TIMM29: variants seen among roughly 807,000 people sequenced by gnomAD.
The protein encoded by TIMM29 is mitochondrial import inner membrane translocase subunit Tim29.
Under a neutral mutation model 19.5 loss-of-function variants are expected in TIMM29, and 23 were observed. That is an observed-to-expected ratio of 1.18 (90% CI 0.85 to 1.67). The LOEUF (loss-of-function observed/expected upper bound fraction) is 1.67. TIMM29 is among the 40% of genes most tolerant of loss of function. The pLI, the probability that TIMM29 is intolerant of heterozygous loss-of-function variation, is 0.00. For missense variants in TIMM29, 404 were observed against 384.7 expected (o/e 1.05, Z -0.42); for synonymous variants, 209 against 185.0 (o/e 1.13, Z -1.05).
At position 10,929,557 on chromosome 19, in the gene TIMM29, T is replaced by C. The variant is rs752257479; in HGVS notation, c.638T>C (p.Phe213Ser). The change falls in exon 2 of 2, where the codon TTC becomes TCC. Residue 213 changes from phenylalanine (F) to serine (S), a missense_variant. Physicochemically the swap from Phe to Ser is radical, Grantham distance 155. Transcript: ENST00000270502. ...CATTCCGAGACCAACGAGCGGCTCTTCGATGAGAAGTACAAGCCTGTCGTG... is the reference window on the plus strand; with the variant it reads ...CATTCCGAGACCAACGAGCGGCTCTCCGATGAGAAGTACAAGCCTGTCGTG... Reference protein sequence around the residue: ...QLHSETNERLFDEKYKPVVLT... With the variant: ...QLHSETNERLSDEKYKPVVLT... 6.2e-7 allele frequency: 1 copy of C among 1,612,974 alleles called. No individual in the cohort carries two copies. Among genetic ancestry groups the C allele is most frequent in the Admixed American group, 1.7e-5 (1 of 60,008 alleles).
Position 10,929,946 on chromosome 19 carries a change from A to T in TIMM29, c.*244A>T. 1 of 534,428 alleles carries T rather than the reference A, an allele frequency of 1.9e-6. No homozygotes were observed. The highest frequency in any genetic ancestry group is 2.4e-5 in the South Asian group (1 of 41,932). 33.1% of individuals were successfully genotyped at this position (534,428 alleles called of 1,614,324 possible). On this transcript the variant is annotated 3_prime_UTR_variant, in exon 2 of 2. Transcript: ENST00000270502. ...CTTGACACATGTTCATCACTGGCAGAGCTGGTCATGAGCCTTTTATATAAG... is the reference window on the plus strand; with the variant it reads ...CTTGACACATGTTCATCACTGGCAGTGCTGGTCATGAGCCTTTTATATAAG...
chr19:10,929,549 G>A lies in TIMM29; in HGVS notation c.630G>A (p.Glu210=), dbSNP rs141741045. 1.4e-4 allele frequency: 230 copies of A among 1,612,952 alleles called. 1 individual carries two copies. Among genetic ancestry groups the A allele is most frequent in the Admixed American group, 6.7e-5 (4 of 60,000 alleles). ...AGCAGCTGCATTCCGAGACCAACGAGCGGCTCTTCGATGAGAAGTACAAGC... is the reference window on the plus strand; with the variant it reads ...AGCAGCTGCATTCCGAGACCAACGAACGGCTCTTCGATGAGAAGTACAAGC... The part of the protein sequence containing the change: ...GPQQLHSETN[E]RLFDEKYKPV... Residue 210 remains glutamate, a synonymous_variant, in exon 2 of 2, where the codon GAG becomes GAA. Coordinates refer to ENST00000270502, the MANE Select transcript of TIMM29 (RefSeq NM_138358.4).
In TIMM29 at chr19:10,929,690, G is replaced by A; in HGVS notation, c.771G>A (p.Glu257=). 6.2e-7 allele frequency: 1 copy of A among 1,603,002 alleles called. No homozygotes were observed. Among genetic ancestry groups the A allele is most frequent in the Non-Finnish European group, 8.5e-7 (1 of 1,174,384 alleles). The change falls in exon 2 of 2, where the codon GAG becomes GAA. Residue 257 remains glutamate, a synonymous_variant. Coordinates refer to ENST00000270502, the MANE Select transcript of TIMM29 (RefSeq NM_138358.4). ...AGGCCCACTCGCTGGTGCAGGCGGA[G>A]GCCCCGAGATGAAACCCTGAGGCCC... ...LSQAHSLVQA[E]APR
Position 10,929,797 on chromosome 19 carries a change from G to T in TIMM29, c.*95G>T. ...GCAGAACAGCTGAGACAGATGATGT[G>T]CAAAGTGTTTTCTCACTGGATTTGC... On this transcript the variant is annotated 3_prime_UTR_variant, in exon 2 of 2. Coordinates refer to ENST00000270502, the MANE Select transcript of TIMM29 (RefSeq NM_138358.4). 2.3e-6 allele frequency: 3 copies of T among 1,285,682 alleles called. No individual in the cohort carries two copies. The highest frequency in any genetic ancestry group is 3.2e-6 in the Non-Finnish European group (3 of 950,322). 79.6% of individuals were successfully genotyped at this position (1,285,682 alleles called of 1,614,324 possible). A position where few individuals can be genotyped will look rare whatever the true frequency, so the allele number is the denominator to read the frequency against.
chr19:10,929,364 T>C lies in TIMM29; in HGVS notation c.445T>C (p.Cys149Arg). 6.3e-7 allele frequency: 1 copy of C among 1,593,314 alleles called. No homozygotes were observed. Among genetic ancestry groups the C allele is most frequent in the South Asian group, 1.1e-5 (1 of 89,696 alleles). ...CCAGGCCAGCCTCTACCAGGCGCGT[T>C]GCCGCTACCTGCAGCCCCGCTGGAC... ...DAQASLYQAR[C>R]RYLQPRWTDF... The change falls in exon 2 of 2, where the codon TGC becomes CGC. Residue 149 changes from cysteine (C) to arginine (R), a missense_variant. Physicochemically the swap from Cys to Arg is radical, Grantham distance 180. Transcript: ENST00000270502.
chr19:10,929,383 G>A lies in TIMM29; in HGVS notation c.464G>A (p.Arg155His), dbSNP rs763344718. Residue 155 changes from arginine to histidine, a missense_variant, in exon 2 of 2, where the codon CGC becomes CAC. Transcript: ENST00000270502. ...GCGCGTTGCCGCTACCTGCAGCCCC[G>A]CTGGACCGACTTCCCCGGCCGGGTC... ...YQARCRYLQP[R>H]WTDFPGRVLD... 8.7e-6 allele frequency: 14 copies of A among 1,603,836 alleles called. No individual in the cohort carries two copies. The South Asian group carries it at 9.9e-5, about 11-fold the overall frequency.
Position 10,928,834 on chromosome 19 carries a change from G to C in TIMM29, c.12G>C (p.Ala4=), listed in dbSNP as rs756608285. MAA[A]ALRRFWSRRR... ...CAAGACGGAAGAGGATGGCCGCGGCGGCTCTGAGGAGATTTTGGTCCCGGC... is the reference window on the plus strand; with the variant it reads ...CAAGACGGAAGAGGATGGCCGCGGCCGCTCTGAGGAGATTTTGGTCCCGGC... The change falls in exon 1 of 2, where the codon GCG becomes GCC. Residue 4 remains alanine (A), a synonymous_variant. Coordinates refer to ENST00000270502, the MANE Select transcript of TIMM29 (RefSeq NM_138358.4). The C allele has an allele frequency of 2.6e-6, 4 of 1,526,910 alleles. No individual in the cohort carries two copies. In the Admixed American group the frequency reaches 6.5e-5, roughly 25 times the overall value. 94.6% of individuals were successfully genotyped at this position (1,526,910 alleles called of 1,614,324 possible). A position where few individuals can be genotyped will look rare whatever the true frequency, so the allele number is the denominator to read the frequency against.
rs2083482645 is a variant in TIMM29 at position 10,930,037 on chromosome 19, C to T, written c.*335C>T. ...CCACATTGGTCAGCTGACTTGCAAA[C>T]TCTTCTAAGGCCACTTAGATTTTCT... On this transcript the variant is annotated 3_prime_UTR_variant, in exon 2 of 2. Transcript: ENST00000270502. The T allele has an allele frequency of 4.2e-6, 1 of 238,568 alleles. No homozygotes were observed. The highest frequency in any genetic ancestry group is 5.1e-5 in the Admixed American group (1 of 19,658). The allele number at this position is 238,568 out of a possible 1,614,324, so 14.8% of individuals were successfully genotyped here.
In TIMM29 at chr19:10,929,742, G is replaced by C. The variant is rs749426482; in HGVS notation, c.*40G>C. 1.3e-6 allele frequency: 2 copies of C among 1,530,998 alleles called. No homozygotes were observed. The highest frequency in any genetic ancestry group is 4.0e-5 in the Admixed American group (2 of 49,994). The allele number at this position is 1,530,998 out of a possible 1,614,324, so 94.8% of individuals were successfully genotyped here. On this transcript the variant is annotated 3_prime_UTR_variant, in exon 2 of 2. Transcript: ENST00000270502. ...CGAGTCCTGGCAAACTGCTTGCCTG[G>C]GGTGGTGCAGTTCTGAGTGTGCCTC...
chr19:10,929,427 G>C lies in TIMM29; in HGVS notation c.508G>C (p.Gly170Arg), dbSNP rs1396767589. 1.2e-6 allele frequency: 2 copies of C among 1,611,890 alleles called. No individual in the cohort carries two copies. The change falls in exon 2 of 2, where the codon GGT becomes CGT. Residue 170 changes from glycine (G) to arginine (R), a missense_variant. By Grantham distance (125) the Gly-to-Arg change is moderately radical (BLOSUM62 -2). Coordinates refer to ENST00000270502, the MANE Select transcript of TIMM29 (RefSeq NM_138358.4). ...CCGGGTCCTGGACGTGGGCTTCGTGGGTCGCTGGTGGGTGCTGGGGGCCTG... is the reference window on the plus strand; with the variant it reads ...CCGGGTCCTGGACGTGGGCTTCGTGCGTCGCTGGTGGGTGCTGGGGGCCTG... The part of the protein sequence containing the change: ...PGRVLDVGFV[G>R]RWWVLGAWMR...
chr19:10,929,516 C>G lies in TIMM29; in HGVS notation c.597C>G (p.Val199=), dbSNP rs555565275. The G allele has an allele frequency of 1.9e-6, 3 of 1,613,002 alleles. No homozygotes were observed. Among genetic ancestry groups the G allele is most frequent in the Non-Finnish European group, 8.5e-7 (1 of 1,180,014 alleles). ...ACCTGCCGGCGCATTTGCGGGTGGT[C>G]GGGCCCCAGCAGCTGCATTCCGAGA... The part of the protein sequence containing the change: ...FLHLPAHLRV[V]GPQQLHSETN... The change falls in exon 2 of 2, where the codon GTC becomes GTG. Residue 199 remains valine (V), a synonymous_variant. Transcript: ENST00000270502.
rs1568367672 is a variant in TIMM29 at position 10,929,436 on chromosome 19, T to G, written c.517T>G (p.Trp173Gly). 1.2e-6 allele frequency: 2 copies of G among 1,612,228 alleles called. No homozygotes were observed. Among genetic ancestry groups the G allele is most frequent in the Non-Finnish European group, 1.7e-6 (2 of 1,179,738 alleles). Reference sequence around the variant, plus strand: ...GGACGTGGGCTTCGTGGGTCGCTGGTGGGTGCTGGGGGCCTGGATGCGCGA... The same window carrying G: ...GGACGTGGGCTTCGTGGGTCGCTGGGGGGTGCTGGGGGCCTGGATGCGCGA... Reference protein sequence around the residue: ...VLDVGFVGRWWVLGAWMRDCD... With the variant: ...VLDVGFVGRWGVLGAWMRDCD... Residue 173 changes from tryptophan to glycine, a missense_variant, in exon 2 of 2, where the codon TGG (tryptophan) becomes GGG (glycine). Physicochemically the swap from Trp to Gly is radical, Grantham distance 184 (BLOSUM62 -2). Transcript: ENST00000270502.
rs750954172 is a variant in TIMM29 at position 10,929,100 on chromosome 19, G to T, written c.181G>T (p.Ala61Ser). The T allele has an allele frequency of 1.4e-6, 2 of 1,457,030 alleles. No homozygotes were observed. Among genetic ancestry groups the T allele is most frequent in the Non-Finnish European group, 1.8e-6 (2 of 1,117,756 alleles). The allele number at this position is 1,457,030 out of a possible 1,614,324, so 90.3% of individuals were successfully genotyped here. A position where few individuals can be genotyped will look rare whatever the true frequency, so the allele number is the denominator to read the frequency against. ...GGCTAGGGCCCGGCCGGGGCGCGCC[G>T]CTGTGTATGTGGGTCTGCTGGGCGG... is the stretch of plus-strand genomic sequence containing the variant. ...AEARARPGRA[A>S]VYVGLLGGAA... The change falls in exon 2 of 2, where the codon GCT becomes TCT. Residue 61 changes from alanine (A) to serine (S), a missense_variant. By Grantham distance (99) the Ala-to-Ser change is moderately conservative. Coordinates refer to ENST00000270502, the MANE Select transcript of TIMM29 (RefSeq NM_138358.4).
At position 10,929,770 on chromosome 19, in the gene TIMM29, C is replaced by T. The variant is rs2083480523; in HGVS notation, c.*68C>T. On this transcript the variant is annotated 3_prime_UTR_variant, in exon 2 of 2. Transcript: ENST00000270502. ...TGGTGCAGTTCTGAGTGTGCCTCAC[C>T]TGCAGAACAGCTGAGACAGATGATG... 7.0e-7 allele frequency: 1 copy of T among 1,425,860 alleles called. No individual in the cohort carries two copies. The highest frequency in any genetic ancestry group is 1.4e-5 in the African/African-American group (1 of 70,100). The allele number at this position is 1,425,860 out of a possible 1,614,324, so 88.3% of individuals were successfully genotyped here. A position where few individuals can be genotyped will look rare whatever the true frequency, so the allele number is the denominator to read the frequency against.
Position 10,928,855 on chromosome 19 carries a change from C to T in TIMM29, c.33C>T (p.Ser11=), listed in dbSNP as rs746010858. The change falls in exon 1 of 2, where the codon TCC becomes TCT. Residue 11 remains serine (S), a synonymous_variant. Coordinates refer to ENST00000270502, the MANE Select transcript of TIMM29 (RefSeq NM_138358.4). The part of the protein sequence containing the change: MAAAALRRFW[S]RRRAEAGDAV... ...CGGCGGCTCTGAGGAGATTTTGGTC[C>T]CGGCGCCGCGCAGAGGCGGGCGACG... 1 of 1,527,496 alleles carries T rather than the reference C, an allele frequency of 6.5e-7. No homozygotes were observed. The allele number at this position is 1,527,496 out of a possible 1,614,324, so 94.6% of individuals were successfully genotyped here.
Position 10,929,177 on chromosome 19 carries a change from G to A in TIMM29, c.258G>A (p.Ala86=), listed in dbSNP as rs1422422841. The A allele has an allele frequency of 9.6e-6, 14 of 1,452,750 alleles. No homozygotes were observed. The Admixed American group carries it at 1.4e-4, about 14-fold the overall frequency. The allele number at this position is 1,452,750 out of a possible 1,614,324, so 90.0% of individuals were successfully genotyped here. Residue 86 remains alanine, a synonymous_variant, in exon 2 of 2, where the codon GCG becomes GCA. Coordinates refer to ENST00000270502, the MANE Select transcript of TIMM29 (RefSeq NM_138358.4). ...LAPSEGAFEE[A]LLEASGTLLL... is the part of the protein sequence containing the mutation. ...CCAGCGAGGGTGCCTTCGAGGAGGC[G>A]CTGCTGGAGGCGTCGGGGACCCTCC...
Position 10,929,335 on chromosome 19 carries a change from A to G in TIMM29, c.416A>G (p.Asp139Gly). The G allele has an allele frequency of 6.4e-7, 1 of 1,567,964 alleles. No individual in the cohort carries two copies. Among genetic ancestry groups the G allele is most frequent in the Non-Finnish European group, 8.6e-7 (1 of 1,162,068 alleles). ...TCGCTGGTGTACGAGGCGCCCTTCG[A>G]CGCCCAGGCCAGCCTCTACCAGGCG... ...LCSLVYEAPF[D>G]AQASLYQARC... Residue 139 changes from aspartate (D) to glycine (G), a missense_variant, in exon 2 of 2, where the codon GAC (aspartate) becomes GGC (glycine). Transcript: ENST00000270502.
chr19:10,929,011 C>A lies in TIMM29; in HGVS notation c.95-3C>A. The A allele has an allele frequency of 6.8e-7, 1 of 1,462,972 alleles. No homozygotes were observed. 90.6% of individuals were successfully genotyped at this position (1,462,972 alleles called of 1,614,324 possible). On this transcript the variant is annotated splice_region_variant and splice_polypyrimidine_tract_variant and intron_variant, in intron 1 of 1. Transcript: ENST00000270502. The stretch of plus-strand genomic sequence containing the variant: ...CACTCTTACCGCGCTCCTCTCCCCT[C>A]AGGGTCCTGGGCCCGCGCGCTGCTC...
At position 10,929,389 on chromosome 19, in the gene TIMM29, C is replaced by T; in HGVS notation, c.470C>T (p.Thr157Ile). Residue 157 changes from threonine to isoleucine, a missense_variant, in exon 2 of 2, where the codon ACC becomes ATC. By Grantham distance (89) the Thr-to-Ile change is moderately conservative. Transcript: ENST00000270502. ...TGCCGCTACCTGCAGCCCCGCTGGA[C>T]CGACTTCCCCGGCCGGGTCCTGGAC... The part of the protein sequence containing the change: ...ARCRYLQPRW[T>I]DFPGRVLDVG... 6.2e-7 allele frequency: 1 copy of T among 1,606,294 alleles called. No homozygotes were observed. The highest frequency in any genetic ancestry group is 1.7e-5 in the Admixed American group (1 of 59,494).
Sources: allele counts gnomAD v4.1 joint callset, GRCh38; gene constraint gnomAD v4.1.1; transcripts MANE v1.5; gene names NCBI Gene and HGNC (gene_info 2026-07-23, HGNC 2026-07-21).